Variants in NF1 observed in about 807,000 individuals in gnomAD.
The protein encoded by NF1 is neurofibromin 1.
NF1 carries 122 observed loss-of-function variants against 325.7 expected under a neutral mutation model. The observed-to-expected ratio is 0.37, with a 90% CI of 0.32 to 0.44. The LOEUF (loss-of-function observed/expected upper bound fraction) is 0.44. Among genes scored for constraint, NF1 ranks in the 20% least tolerant of loss-of-function variants. The pLI, the probability that NF1 is intolerant of heterozygous loss-of-function variation, is 1.00. For synonymous variants in NF1, 1,091 were observed against 1,186.0 expected, an observed-to-expected ratio of 0.92 and a Z score of 1.65; for missense variants, 2,140 against 3,415.4, an observed-to-expected ratio of 0.63 and a Z score of 9.31.
chr17:31,118,336 G>T (rs1046513027), intron 1 of NF1, among the ~76,000 whole-genome samples: 1 of 151,428 alleles, frequency 6.6e-6, no homozygotes, highest in African/African-American at 2.4e-5. Flanking sequence ...TACACGTGCA[G>T]AATGTGCAGG....
intron 36 of NF1, among the ~76,000 whole-genome samples, chr17:31,266,860 C>T (rs1280421083): frequency 1.3e-5 from 2 of 151,656 alleles, no homozygotes; most frequent in Non-Finnish European, 1.5e-5. Flanking sequence ...AGTTTGGTTT[C>T]CATGAAACCT....
chr17:31,347,482 C>T lies in NF1; in HGVS notation c.7190-1638C>T, dbSNP rs527772509. Among the ~76,000 whole-genome samples the T allele has an allele frequency of 1.8e-4, 28 of 152,220 alleles. No homozygotes were observed. In the East Asian group the frequency reaches 5.2e-3, roughly 28 times the overall value. On this transcript the variant is annotated intron_variant, in intron 48 of 57. Coordinates refer to ENST00000358273, the MANE Select transcript of NF1 (RefSeq NM_001042492.3). ...TATTTTGTCATTCATTATAACATAT[C>T]GATAAACCATTTGTTAAAAGATTTG...
At chr17:31,161,734 TA>T (rs2065763510) in intron 3 of NF1, among the ~76,000 whole-genome samples, 1 of 152,134 alleles carries the variant, frequency 6.6e-6, no homozygotes, top group African/African-American at 2.4e-5. Flanking sequence ...GTTTAAATTT[TA>T]GCTTACAGAA....
chr17:31,150,826 G>A lies in NF1; in HGVS notation c.61-5157G>A, dbSNP rs140538407. Among the ~76,000 whole-genome samples, 678 of 152,220 alleles carry A rather than the reference G, an allele frequency of 4.5e-3. 7 individuals carry two copies. Among genetic ancestry groups the A allele is most frequent in the African/African-American group, 0.016 (647 of 41,530 alleles). On this transcript the variant is annotated intron_variant, in intron 1 of 57. Coordinates refer to ENST00000358273, the MANE Select transcript of NF1 (RefSeq NM_001042492.3). ...GTGGGTGGATTACCTGAGGTCAGGA[G>A]TTCAAGACCAGCCTGACCAACATGG...
intron 36 of NF1, chr17:31,318,157 T>C: frequency 1.1e-6 from 1 of 941,414 alleles, no homozygotes; most frequent in Middle Eastern, 3.5e-4. Flanking sequence ...CAGGCATACT[T>C]CTCCCTGTCT....
intron 36 of NF1, among the ~76,000 whole-genome samples, chr17:31,280,701 G>C (rs1388606441): frequency 2.6e-5 from 4 of 151,964 alleles, no homozygotes; most frequent in Non-Finnish European, 5.9e-5. Context: ...CCCGGTGTAA[G>C]ATTGCCTCCA....
chr17:31,377,111 G>C lies in NF1; in HGVS notation c.*2956G>C, dbSNP rs2070743187. ...TTCCCCGACTCCCAGGCATAATGAG[G>C]CATGTCTTACTCAATGTTATGCAAT... On this transcript the variant is annotated 3_prime_UTR_variant, in exon 58 of 58. Coordinates refer to ENST00000358273, the MANE Select transcript of NF1 (RefSeq NM_001042492.3). 4.3e-6 allele frequency: 1 copy of C among 233,360 alleles called. No homozygotes were observed. Among genetic ancestry groups the C allele is most frequent in the Non-Finnish European group, 8.5e-6 (1 of 118,026 alleles). The allele number at this position is 233,360 out of a possible 1,614,324, so 14.5% of individuals were successfully genotyped here. A position where few individuals can be genotyped will look rare whatever the true frequency, so the allele number is the denominator to read the frequency against.
chr17:31,240,470 C>T (rs1289325369), intron 29 of NF1, among the ~76,000 whole-genome samples: 2 of 152,148 alleles, frequency 1.3e-5, no homozygotes, highest in Admixed American at 6.5e-5. Flanking sequence ...TTTCTTTATC[C>T]ATTCTTCTGT....
At chr17:31,159,948 C>A (rs942025912) in intron 3 of NF1, among the ~76,000 whole-genome samples, 1 of 151,806 alleles carries the variant, frequency 6.6e-6, no homozygotes, top group Admixed American at 6.6e-5. Context: ...TGAAAGAGAC[C>A]TTAATATATG....
At chr17:31,286,764 G>A (rs2068236176) in intron 36 of NF1, among the ~76,000 whole-genome samples, 1 of 152,170 alleles carries the variant, frequency 6.6e-6, no homozygotes, top group East Asian at 1.9e-4. Flanking sequence ...GGTTGCTGAG[G>A]CTTTGGATGG....
intron 36 of NF1, chr17:31,296,236 G>A: frequency 6.2e-7 from 1 of 1,614,112 alleles, no homozygotes; most frequent in South Asian, 1.1e-5. Flanking sequence ...GCCTCTCTGT[G>A]CATATACATT....
chr17:31,353,534 CTT>C (rs998781542), intron 51 of NF1, among the ~76,000 whole-genome samples: 2 of 152,160 alleles, frequency 1.3e-5, no homozygotes, highest in African/African-American at 4.8e-5. Context: ...GGGAAGATCA[CTT>C]GAGCCCAGGA....
At chr17:31,149,520 G>A (rs541983253) in intron 1 of NF1, among the ~76,000 whole-genome samples, 2 of 152,120 alleles carry the variant, frequency 1.3e-5, no homozygotes, top group East Asian at 1.9e-4. Flanking sequence ...GGCTGGTCTC[G>A]ATTGCCTGCC....
At chr17:31,237,544 T>C (rs2067224236) in intron 29 of NF1, among the ~76,000 whole-genome samples, 1 of 152,158 alleles carries the variant, frequency 6.6e-6, no homozygotes, top group African/African-American at 2.4e-5. Context: ...CCCAAAGTGC[T>C]GGGATTACAG....
At chr17:31,232,242 C>T (rs762092972) in intron 25 of NF1, 53 bp downstream of exon 25, 17 of 1,098,222 alleles carry the variant, frequency 1.5e-5, no homozygotes, top group Non-Finnish European at 2.0e-5. Flanking sequence ...AAGCCCCCCA[C>T]CACACAAAAA....
chr17:31,246,000 G>A (rs574684647), intron 29 of NF1, among the ~76,000 whole-genome samples: 36 of 152,224 alleles, frequency 2.4e-4, no homozygotes, highest in African/African-American at 7.5e-4. Context: ...AAGACACTCA[G>A]CACTTCCAGA....
chr17:31,304,002 TA>T (rs1166925564), intron 36 of NF1: 8 of 300,136 alleles, frequency 2.7e-5, no homozygotes, highest in African/African-American at 1.7e-4. Context: ...TCAGAGTTCT[TA>T]AATTATTGAA....
intron 8 of NF1, among the ~76,000 whole-genome samples, chr17:31,184,476 T>C (rs982338693): frequency 1.1e-4 from 16 of 150,792 alleles, no homozygotes; most frequent in Admixed American, 7.3e-4. Flanking sequence ...GGTGAAACCC[T>C]GTCTCTACTA....
At chr17:31,264,126 C>T (rs533114753) in intron 35 of NF1, among the ~76,000 whole-genome samples, 5 of 152,220 alleles carry the variant, frequency 3.3e-5, no homozygotes, top group African/African-American at 4.8e-5. Flanking sequence ...AGGCCGAGTG[C>T]GGTGACTCAC....
Sources: gnomAD v4.1 joint callset for allele counts (sites outside exome capture counted in the v4.1 genomes callset) on GRCh38, gnomAD v4.1.1 for gene constraint, MANE v1.5 for transcripts, NCBI Gene and HGNC (gene_info 2026-07-23, HGNC 2026-07-21) for gene names.